Variants in NGEF observed in about 807,000 individuals in gnomAD.
The protein encoded by NGEF is ephexin-1.
Under a neutral mutation model 80.9 loss-of-function variants are expected in NGEF, and 31 were observed. The observed-to-expected ratio is 0.38, with a 90% CI of 0.29 to 0.52. The LOEUF (loss-of-function observed/expected upper bound fraction) is 0.52, where lower values mean the gene tolerates loss of function less well. NGEF is among the 20% of genes least tolerant of loss of function. NGEF has a pLI of 0.84. For missense variants in NGEF, 709 were observed against 926.2 expected (o/e 0.77, Z 3.04); for synonymous variants, 371 against 370.2 (o/e 1.00, Z -0.03).
At chr2:232,975,704 T>A (rs1247279490) in intron 1 of NGEF, among the ~76,000 whole-genome samples, 1 of 152,090 alleles carries the variant, frequency 6.6e-6, no homozygotes, top group Non-Finnish European at 1.5e-5. Flanking sequence ...GGCGAGAGAC[T>A]ATGTGGACCC....
At chr2:232,982,137 G>A (rs1694442937) in intron 1 of NGEF, among the ~76,000 whole-genome samples, 1 of 152,168 alleles carries the variant, frequency 6.6e-6, no homozygotes, top group South Asian at 2.1e-4. Flanking sequence ...CCAGCAGGAG[G>A]CATGGGCAGC....
intron 5 of NGEF, 44 bp from the exon 6 acceptor site, chr2:232,894,960 C>T: frequency 6.6e-7 from 1 of 1,522,070 alleles, no homozygotes; most frequent in South Asian, 1.2e-5. Context: ...AGTTGGCCTT[C>T]CACGAAGGCG....
At chr2:232,924,584 T>C (rs1213883570) in intron 4 of NGEF, among the ~76,000 whole-genome samples, 1 of 152,180 alleles carries the variant, frequency 6.6e-6, no homozygotes, top group African/African-American at 2.4e-5. Context: ...GCCCTTCCTG[T>C]TTCACACATG....
At chr2:232,899,378 C>T (rs554315641) in intron 5 of NGEF, among the ~76,000 whole-genome samples, 1 of 152,306 alleles carries the variant, frequency 6.6e-6, no homozygotes, top group South Asian at 2.1e-4. Context: ...ATTCACGTCA[C>T]ACTTCCTGGC....
At chr2:232,971,825 C>T (rs560185181) in intron 2 of NGEF, among the ~76,000 whole-genome samples, 1 of 152,316 alleles carries the variant, frequency 6.6e-6, no homozygotes, top group East Asian at 1.9e-4. Context: ...AAACTCGAGG[C>T]TCTTTCCCCA....
At chr2:232,967,535 A>G (rs1694088518) in intron 3 of NGEF, among the ~76,000 whole-genome samples, 1 of 151,996 alleles carries the variant, frequency 6.6e-6, no homozygotes, top group South Asian at 2.1e-4. Flanking sequence ...GGGTTTTGTC[A>G]TATTGGCCAG....
At chr2:232,941,639 G>C (rs1029347527) in intron 3 of NGEF, among the ~76,000 whole-genome samples, 1 of 152,104 alleles carries the variant, frequency 6.6e-6, no homozygotes, top group Admixed American at 6.6e-5. Context: ...GTAATAAGGG[G>C]GAGAAAGTTA....
intron 12 of NGEF, 144 bp from the exon 13 acceptor site, chr2:232,882,409 G>T: frequency 4.1e-6 from 3 of 734,848 alleles, no homozygotes; most frequent in Non-Finnish European, 6.9e-6. Flanking sequence ...GGACAGCTCG[G>T]GGGAGCCACA....
chr2:232,906,081 C>G (rs1464209929), intron 5 of NGEF, among the ~76,000 whole-genome samples: 1 of 124,834 alleles, frequency 8.0e-6, no homozygotes, highest in Non-Finnish European at 1.8e-5. Flanking sequence ...AGGGGGTCAG[C>G]CCCCCGCCTG....
intron 10 of NGEF, 72 bp downstream of exon 10, chr2:232,885,208 T>C: frequency 7.2e-7 from 1 of 1,394,304 alleles, no homozygotes; most frequent in Non-Finnish European, 1.0e-6. Flanking sequence ...CCAGGCGCGG[T>C]GATCTGTGCC....
chr2:232,976,244 C>T (rs1380729083), intron 1 of NGEF, among the ~76,000 whole-genome samples: 1 of 152,164 alleles, frequency 6.6e-6, no homozygotes, highest in Admixed American at 6.5e-5. Context: ...CTTCCACAAA[C>T]ATCCAGCTCA....
chr2:232,924,282 G>A (rs1239897718), intron 4 of NGEF, among the ~76,000 whole-genome samples: 1 of 152,060 alleles, frequency 6.6e-6, no homozygotes, highest in Non-Finnish European at 1.5e-5. Flanking sequence ...GCTGTGGAAG[G>A]CAGCCGCCTG....
At chr2:232,913,523 G>C (rs1246644188) in intron 5 of NGEF, among the ~76,000 whole-genome samples, 1 of 152,196 alleles carries the variant, frequency 6.6e-6, no homozygotes, top group Non-Finnish European at 1.5e-5. Flanking sequence ...TAACCTTACA[G>C]ATGTTATGTC....
chr2:232,931,939 C>T (rs2106289054), intron 3 of NGEF, among the ~76,000 whole-genome samples: 1 of 152,300 alleles, frequency 6.6e-6, no homozygotes, highest in South Asian at 2.1e-4. Context: ...AAGCACAATT[C>T]AGCCCAGTTA....
chr2:233,002,073 T>C (rs1694990804), intron 1 of NGEF, among the ~76,000 whole-genome samples: 2 of 152,030 alleles, frequency 1.3e-5, no homozygotes, highest in South Asian at 4.2e-4. Flanking sequence ...GGGCTGTGGT[T>C]TTTTCCATTC....
At chr2:232,930,535 G>A (rs1274023908) in intron 3 of NGEF, among the ~76,000 whole-genome samples, 4 of 53,882 alleles carry the variant, frequency 7.4e-5, no homozygotes, top group African/African-American at 4.7e-4. Flanking sequence ...ATAGAGACAG[G>A]GTTTCACCAT....
At chr2:232,939,279 A>G (rs1338488419) in intron 3 of NGEF, among the ~76,000 whole-genome samples, 1 of 152,066 alleles carries the variant, frequency 6.6e-6, no homozygotes, top group Non-Finnish European at 1.5e-5. Context: ...CATAAACTAC[A>G]TAGTTAAATC....
At chr2:232,989,899 C>T (rs984131920) in intron 1 of NGEF, among the ~76,000 whole-genome samples, 4 of 152,038 alleles carry the variant, frequency 2.6e-5, no homozygotes, top group Admixed American at 6.6e-5. Context: ...AAGTTAAATA[C>T]CAATCCCCAG....
At chr2:232,900,468 T>TCA (rs199731114) in intron 5 of NGEF, among the ~76,000 whole-genome samples, 8 of 26,170 alleles carry the variant, frequency 3.1e-4, no homozygotes, top group Non-Finnish European at 5.4e-4. Context: ...TCACATTCAC[T>TCA]CACACACACG....
Sources: gnomAD v4.1 joint callset for allele counts (sites outside exome capture counted in the v4.1 genomes callset) on GRCh38, gnomAD v4.1.1 for gene constraint, MANE v1.5 for transcripts, NCBI Gene and HGNC (gene_info 2026-07-23, HGNC 2026-07-21) for gene names.